Variants in ST7L observed in about 807,000 individuals in gnomAD.
ST7L encodes the protein suppressor of tumorigenicity 7 protein-like.
A neutral mutation model predicts 72.5 loss-of-function variants in ST7L; 57 were observed. The observed-to-expected ratio is 0.79, with a 90% CI of 0.64 to 0.98. The LOEUF (loss-of-function observed/expected upper bound fraction) is 0.98. Ranked by LOEUF, ST7L falls within the 50% of genes least tolerant of loss-of-function variation. ST7L has a pLI of 0.00. For missense variants in ST7L, 576 were observed against 672.2 expected, an observed-to-expected ratio of 0.86 and a Z score of 1.58; for synonymous variants, 221 against 240.9, an observed-to-expected ratio of 0.92 and a Z score of 0.77.
intron 6 of ST7L, among the ~76,000 whole-genome samples, chr1:112,591,221 A>G (rs6670365): frequency 0.02 from 3,057 of 152,184 alleles, 106 homozygotes; most frequent in African/African-American, 0.069. Flanking sequence ...GTGAGCCACC[A>G]CACCCGGCCT....
At chr1:112,599,058 T>TAAAAA (rs1666933165) in intron 4 of ST7L, among the ~76,000 whole-genome samples, 2 of 546 alleles carry the variant, frequency 3.7e-3, no homozygotes, top group East Asian at 0.062. Context: ...AGACTCAGCC[T>TAAAAA]CAAAAAAAAA....
chr1:112,539,668 AAAAAAG>A (rs1338383645), intron 14 of ST7L: 9 of 960,464 alleles, frequency 9.4e-6, no homozygotes, highest in Middle Eastern at 5.3e-4. Context: ...AAAAAAAAAA[AAAAAAG>A]AAAAAGAAAA....
Position 112,556,966 on chromosome 1 carries a change from C to CAAAAAAAAAAAA in ST7L, c.1246-960_1246-949dup, listed in dbSNP as rs60106072. 2.5e-3 allele frequency among the ~76,000 whole-genome samples: 125 copies of CAAAAAAAAAAAA among 49,518 alleles called. 8 individuals are homozygous for CAAAAAAAAAAAA. Among genetic ancestry groups the CAAAAAAAAAAAA allele is most frequent in the Non-Finnish European group, 2.8e-3 (67 of 24,242 alleles). The allele number at this position is 49,518 out of a possible 152,430, so 32.5% of individuals were successfully genotyped here. The stretch of plus-strand genomic sequence containing the variant: ...CTGGCGACAGAGCGAGACTCTGTCT[C>CAAAAAAAAAAAA]AAAAAAAAAAAAAAAAAACAAAAAA... On this transcript the variant is annotated intron_variant, in intron 11 of 14. Coordinates refer to ENST00000358039, the MANE Select transcript of ST7L (RefSeq NM_017744.5).
intron 5 of ST7L, 133 bp downstream of exon 5, chr1:112,597,832 CTGAGTT>C: frequency 2.2e-6 from 1 of 462,558 alleles, no homozygotes; most frequent in South Asian, 7.4e-5. Flanking sequence ...ATAATTTAAT[CTGAGTT>C]TGTTATCAAT....
intron 11 of ST7L, among the ~76,000 whole-genome samples, chr1:112,566,297 C>CTTTTTTTT (rs71084471): frequency 9.4e-6 from 1 of 105,912 alleles, no homozygotes; most frequent in Non-Finnish European, 1.7e-5. Flanking sequence ...TCTTCTTCTT[C>CTTTTTTTT]TTTTTTTTTT....
At chr1:112,582,316 A>C in intron 8 of ST7L, 59 bp downstream of exon 8, 1 of 1,279,652 alleles carries the variant, frequency 7.8e-7, no homozygotes, top group Non-Finnish European at 1.1e-6. Flanking sequence ...CTGGCAACTT[A>C]ACTAAATTTT....
intron 6 of ST7L, among the ~76,000 whole-genome samples, chr1:112,588,768 A>C (rs1665242112): frequency 6.6e-6 from 1 of 151,540 alleles, no homozygotes; most frequent in African/African-American, 2.4e-5. Context: ...TAACATTTTT[A>C]ATATGCTGCT....
At chr1:112,608,015 T>TA (rs200229698) in intron 3 of ST7L, among the ~76,000 whole-genome samples, 1 of 152,170 alleles carries the variant, frequency 6.6e-6, no homozygotes, top group Non-Finnish European at 1.5e-5. Context: ...TTAATTCACT[T>TA]AAAAAATTTT....
intron 13 of ST7L, among the ~76,000 whole-genome samples, chr1:112,548,443 G>A (rs763967510): frequency 3.3e-5 from 5 of 152,172 alleles, no homozygotes; most frequent in Non-Finnish European, 5.9e-5. Context: ...AAAGCACTTT[G>A]AGAATTCAGA....
Position 112,573,363 on chromosome 1 carries a change from A to T in ST7L, c.1245+3623T>A, listed in dbSNP as rs1363483564. ...AACTCCCTCTCAAAAAAAAAAAAAAAAAAAAAAGAATTAAAAATTGAGTAT... is the reference window on the plus strand; with the variant it reads ...AACTCCCTCTCAAAAAAAAAAAAAATAAAAAAAGAATTAAAAATTGAGTAT... On this transcript the variant is annotated intron_variant, in intron 11 of 14. Transcript: ENST00000358039. Among the ~76,000 whole-genome samples the T allele has an allele frequency of 4.0e-5, 6 of 151,674 alleles. No homozygotes were observed. In the East Asian group the frequency reaches 9.7e-4, roughly 24 times the overall value.
intron 2 of ST7L, among the ~76,000 whole-genome samples, chr1:112,615,799 G>C (rs1669774463): frequency 1.3e-5 from 2 of 152,070 alleles, no homozygotes; most frequent in South Asian, 4.1e-4. Context: ...GAGTGCAGTG[G>C]CAAGATCTTG....
chr1:112,607,006 T>C (rs1166588524), intron 3 of ST7L: 1 of 152,192 alleles, frequency 6.6e-6, no homozygotes, highest in African/African-American at 2.4e-5. Flanking sequence ...ACGTAATGGA[T>C]TTACTACTAT....
chr1:112,618,869 C>T (rs1314622117), intron 1 of ST7L, 40 bp downstream of exon 1: 11 of 1,547,802 alleles, frequency 7.1e-6, no homozygotes, highest in Non-Finnish European at 9.6e-6. Context: ...GACATCTCTC[C>T]TGGCCCCCCG....
intron 6 of ST7L, 65 bp from the exon 7 acceptor site, chr1:112,584,191 G>T: frequency 1.3e-6 from 2 of 1,504,956 alleles, no homozygotes; most frequent in Non-Finnish European, 1.8e-6. Flanking sequence ...TCTTGGTTAT[G>T]TCCCTTTGCT....
intron 4 of ST7L, 107 bp downstream of exon 4, chr1:112,600,687 T>C: frequency 2.2e-6 from 2 of 900,262 alleles, no homozygotes; most frequent in South Asian, 3.0e-5. Flanking sequence ...CATAGACCAG[T>C]ATCTTCTACT....
At chr1:112,576,787 T>G (rs144767046) in intron 11 of ST7L, among the ~76,000 whole-genome samples, 199 bp downstream of exon 11, 1 of 152,224 alleles carries the variant, frequency 6.6e-6, no homozygotes, top group Non-Finnish European at 1.5e-5. Flanking sequence ...ACAAAGCATA[T>G]AGCTAACTAT....
At chr1:112,607,931 T>C (rs550433000) in intron 3 of ST7L, among the ~76,000 whole-genome samples, 18 of 152,246 alleles carry the variant, frequency 1.2e-4, no homozygotes, top group Admixed American at 8.5e-4. Context: ...CCCCAGCATA[T>C]ATGTCTGTGG....
Position 112,525,170 on chromosome 1 carries a change from A to G in ST7L, c.*843T>C, listed in dbSNP as rs3790611. ...GCAGTCTCCTATGACTGCATGGGGTATAACTGCCAAGCCTACTGCTCATGA... is the reference window on the plus strand; with the variant it reads ...GCAGTCTCCTATGACTGCATGGGGTGTAACTGCCAAGCCTACTGCTCATGA... On this transcript the variant is annotated 3_prime_UTR_variant, in exon 15 of 15. Transcript: ENST00000358039. 35,449 of 152,180 alleles carry G rather than the reference A, an allele frequency of 0.23. 4,264 individuals carry two copies. The highest frequency in any genetic ancestry group is 0.27 in the Middle Eastern group (78 of 294). 9.4% of individuals were successfully genotyped at this position (152,180 alleles called of 1,614,324 possible).
At chr1:112,603,764 T>G (rs1007118161) in intron 3 of ST7L, among the ~76,000 whole-genome samples, 4 of 152,226 alleles carry the variant, frequency 2.6e-5, no homozygotes, top group African/African-American at 9.6e-5. Context: ...CCAGCACAGC[T>G]GAGTTCTGGT....
Sources: allele counts gnomAD v4.1 joint callset (sites outside exome capture counted in the v4.1 genomes callset), GRCh38; gene constraint gnomAD v4.1.1; transcripts MANE v1.5; gene names NCBI Gene and HGNC (gene_info 2026-07-23, HGNC 2026-07-21).